ESCO2: variants seen among roughly 807,000 people sequenced by gnomAD.
The protein encoded by ESCO2 is N-acetyltransferase ESCO2.
Under a neutral mutation model 61.7 loss-of-function variants are expected in ESCO2, and 51 were observed. The observed-to-expected ratio is 0.83, with a 90% CI of 0.66 to 1.04. The LOEUF is 1.04. Ranked by LOEUF, ESCO2 falls within the 50% of genes least tolerant of loss-of-function variation. The probability of loss-of-function intolerance (pLI) is 0.00; values close to 1 mark genes in which losing one functional copy is unlikely to be tolerated. For missense variants in ESCO2, 692 were observed against 686.2 expected (o/e 1.01, Z -0.09); for synonymous variants, 230 against 238.2 (o/e 0.97, Z 0.32).
At chr8:27,778,811 G>T (rs915404226) in intron 3 of ESCO2, 1 of 152,162 alleles carries the variant, frequency 6.6e-6, no homozygotes, top group African/African-American at 2.4e-5. Flanking sequence ...TGGGAAGCTG[G>T]GCTTTTGTGC....
chr8:27,775,248 C>G (rs1182873162), intron 1 of ESCO2, among the ~76,000 whole-genome samples: 2 of 152,158 alleles, frequency 1.3e-5, no homozygotes, highest in African/African-American at 4.8e-5. Context: ...CGGTCTCTGC[C>G]TTCATTGAAG....
chr8:27,772,786 A>T (rs1354198021), upstream of ESCO2: 5 of 550,070 alleles, frequency 9.1e-6, no homozygotes, highest in Non-Finnish European at 1.6e-5. Flanking sequence ...CATCTTGGGC[A>T]CGTTAGTTAA....
chr8:27,782,335 C>T (rs577568587), intron 4 of ESCO2, among the ~76,000 whole-genome samples: 152 of 152,318 alleles, frequency 1.0e-3, no homozygotes, highest in African/African-American at 3.6e-3. Flanking sequence ...AATCTCAGCT[C>T]ACTGCAACCT....
intron 9 of ESCO2, among the ~76,000 whole-genome samples, chr8:27,795,764 GTTC>G (rs1210903391): frequency 6.6e-6 from 1 of 152,100 alleles, no homozygotes; most frequent in Non-Finnish European, 1.5e-5. Context: ...ATATAGTTTT[GTTC>G]TTCATTCTGT....
At chr8:27,773,768 T>A (rs920104139), upstream of ESCO2, 2 of 152,204 alleles carry the variant, frequency 1.3e-5, no homozygotes, top group African/African-American at 4.8e-5. Context: ...CATAAAACTC[T>A]AAACTTATTT....
chr8:27,807,036 T>C (rs1805577049), downstream of ESCO2, among the ~76,000 whole-genome samples: 1 of 152,212 alleles, frequency 6.6e-6, no homozygotes, highest in African/African-American at 2.4e-5. Flanking sequence ...TAATTAATTC[T>C]AATTTATCTA....
downstream of ESCO2, among the ~76,000 whole-genome samples, chr8:27,813,451 TAAAC>T (rs1455468405): frequency 3.9e-5 from 6 of 152,178 alleles, no homozygotes; most frequent in Admixed American, 1.3e-4. Context: ...CCCTAGAACT[TAAAC>T]AATTTTGTTA....
chr8:27,793,968 T>G (rs991291251), intron 9 of ESCO2, among the ~76,000 whole-genome samples: 1 of 152,206 alleles, frequency 6.6e-6, no homozygotes, highest in African/African-American at 2.4e-5. Context: ...TTCTTTAGAT[T>G]CAGTATGTAA....
At chr8:27,772,986 A>G (rs1333266762), upstream of ESCO2, among the ~76,000 whole-genome samples, 2 of 152,196 alleles carry the variant, frequency 1.3e-5, no homozygotes, top group African/African-American at 2.4e-5. Flanking sequence ...TCTGGCTTAA[A>G]TCGAAGGCCT....
At position 27,803,567 on chromosome 8, in the gene ESCO2, C is replaced by T; in HGVS notation, c.*129C>T. 1 of 1,446,386 alleles carries T rather than the reference C, an allele frequency of 6.9e-7. No homozygotes were observed. The highest frequency in any genetic ancestry group is 1.4e-5 in the South Asian group (1 of 69,640). 89.6% of individuals were successfully genotyped at this position (1,446,386 alleles called of 1,614,324 possible). ...ACACTCATACACACACACACACACA[C>T]GCACACACACATATCACAGTTTTGT... On this transcript the variant is annotated 3_prime_UTR_variant, in exon 11 of 11. Coordinates refer to ENST00000305188, the MANE Select transcript of ESCO2 (RefSeq NM_001017420.3).
chr8:27,781,837 C>T (rs1804935547), intron 4 of ESCO2, among the ~76,000 whole-genome samples: 1 of 152,126 alleles, frequency 6.6e-6, no homozygotes, highest in East Asian at 1.9e-4. Flanking sequence ...CAGGCATAAG[C>T]CCTTGTGCCT....
At position 27,776,468 on chromosome 8, in the gene ESCO2, C is replaced by A. The variant is rs769799908; in HGVS notation, c.160C>A (p.His54Asn). The change falls in exon 3 of 11, where the codon CAT becomes AAT. Residue 54 changes from histidine (H) to asparagine (N), a missense_variant. Coordinates refer to ENST00000305188, the MANE Select transcript of ESCO2 (RefSeq NM_001017420.3). ...AAACCTGCATTGCTCTCAACAAGAG[C>A]ATTTTGTTTTAAGTGCGCTCAAAAC... Reference protein sequence around the residue: ...EENLHCSQQEHFVLSALKTTE... With the variant: ...EENLHCSQQENFVLSALKTTE... 6.2e-7 allele frequency: 1 copy of A among 1,611,720 alleles called. No individual in the cohort carries two copies. The highest frequency in any genetic ancestry group is 1.7e-5 in the Admixed American group (1 of 59,588).
the ESCO2 span, among the ~76,000 whole-genome samples, chr8:27,818,465 T>G: frequency 6.6e-6 from 1 of 152,214 alleles, no homozygotes; most frequent in Non-Finnish European, 1.5e-5. Context: ...GAGAAACGTT[T>G]AACAGATAAT....
At chr8:27,816,987 T>C (rs547633885), downstream of ESCO2, among the ~76,000 whole-genome samples, 7 of 152,274 alleles carry the variant, frequency 4.6e-5, no homozygotes, top group African/African-American at 1.7e-4. Flanking sequence ...TTGATATTTT[T>C]CCCAGTACAT....
chr8:27,789,375 T>C (rs1426177627), intron 7 of ESCO2, among the ~76,000 whole-genome samples: 1 of 152,210 alleles, frequency 6.6e-6, no homozygotes, highest in African/African-American at 2.4e-5. Flanking sequence ...GATACATTCC[T>C]TTTTCCCTAT....
In ESCO2 at chr8:27,788,964, G is replaced by T; in HGVS notation, c.1249G>T (p.Gly417Ter). Residue 417 changes from glycine to a stop codon, truncating the protein, a stop_gained, in exon 7 of 11, where the codon GGA becomes TGA. Transcript: ENST00000305188. LOFTEE classifies it high-confidence loss of function. Reference sequence around the variant, plus strand: ...ACAGCATCACCACAGGTTTCTGGAAGGAATCAAATATGTGGTGAGCCAAAA... The same window carrying T: ...ACAGCATCACCACAGGTTTCTGGAATGAATCAAATATGTGGTGAGCCAAAA... ...HVQHHHRFLE[G>*]IKYVGWKKER... 6.2e-7 allele frequency: 1 copy of T among 1,614,044 alleles called. No individual in the cohort carries two copies. The highest frequency in any genetic ancestry group is 8.5e-7 in the Non-Finnish European group (1 of 1,179,972).
chr8:27,801,304 C>A (rs1167605961), intron 10 of ESCO2, among the ~76,000 whole-genome samples: 2 of 151,990 alleles, frequency 1.3e-5, no homozygotes, highest in Admixed American at 1.3e-4. Context: ...GGTTACAAAC[C>A]AGTAAGCACA....
downstream of ESCO2, among the ~76,000 whole-genome samples, chr8:27,807,528 T>C (rs899643445): frequency 1.3e-5 from 2 of 152,222 alleles, no homozygotes; most frequent in African/African-American, 2.4e-5. Flanking sequence ...TTTTGGACTT[T>C]TCATGTGTTC....
At chr8:27,818,357 T>C in the ESCO2 span, among the ~76,000 whole-genome samples, 1 of 152,204 alleles carries the variant, frequency 6.6e-6, no homozygotes, top group Non-Finnish European at 1.5e-5. Context: ...TTCAATAATA[T>C]ATTTACAAGT....
Sources: gnomAD v4.1 joint callset for allele counts (sites outside exome capture counted in the v4.1 genomes callset) on GRCh38, gnomAD v4.1.1 for gene constraint, MANE v1.5 for transcripts, NCBI Gene and HGNC (gene_info 2026-07-23, HGNC 2026-07-21) for gene names.